Variants in ANKS1B observed in about 807,000 individuals in gnomAD.
ANKS1B encodes the protein ankyrin repeat and sterile alpha motif domain-containing protein 1B.
In ANKS1B, 36 loss-of-function variants were observed where a neutral mutation model predicts 148.3. The observed-to-expected ratio is 0.24, with a 90% CI of 0.19 to 0.32. The LOEUF (loss-of-function observed/expected upper bound fraction) is 0.32, where lower values mean the gene tolerates loss of function less well. ANKS1B is among the 10% of genes least tolerant of loss of function. ANKS1B has a pLI of 1.00. For synonymous variants in ANKS1B, 542 were observed against 560.8 expected (o/e 0.97, Z 0.47); for missense variants, 1,157 against 1,542.6 (o/e 0.75, Z 4.19).
chr12:99,662,131 T>A (rs1244181515), intron 8 of ANKS1B, among the ~76,000 whole-genome samples: 1 of 152,202 alleles, frequency 6.6e-6, no homozygotes, highest in Non-Finnish European at 1.5e-5. Context: ...TTATTTTAGA[T>A]GTTTTTGTTA....
intron 9 of ANKS1B, among the ~76,000 whole-genome samples, chr12:99,643,144 C>T (rs1259538984): frequency 6.6e-6 from 1 of 152,150 alleles, no homozygotes; most frequent in Non-Finnish European, 1.5e-5. Flanking sequence ...ACAGTACATC[C>T]TCTGGACACC....
chr12:99,929,714 G>A (rs1407221311), intron 1 of ANKS1B, among the ~76,000 whole-genome samples: 1 of 152,132 alleles, frequency 6.6e-6, no homozygotes, highest in African/African-American at 2.4e-5. Context: ...CCTTCTACAT[G>A]TGGCTAGCCA....
At chr12:98,976,904 G>A (rs1276116599) in intron 17 of ANKS1B, among the ~76,000 whole-genome samples, 4 of 152,182 alleles carry the variant, frequency 2.6e-5, no homozygotes, top group Non-Finnish European at 5.9e-5. Flanking sequence ...TTGCCTTGAA[G>A]TAATTAGCTA....
chr12:99,197,121 A>G (rs1332650961), intron 14 of ANKS1B, among the ~76,000 whole-genome samples: 1 of 152,142 alleles, frequency 6.6e-6, no homozygotes, highest in Non-Finnish European at 1.5e-5. Context: ...GTCCAATCTG[A>G]ACGGAGAGAT....
intron 1 of ANKS1B, among the ~76,000 whole-genome samples, chr12:99,871,755 A>G (rs2091543288): frequency 6.6e-6 from 1 of 152,158 alleles, no homozygotes; most frequent in East Asian, 1.9e-4. Flanking sequence ...ATCTTTCCAC[A>G]TTGATTTCAT....
At chr12:99,535,825 T>C (rs2097059515) in intron 9 of ANKS1B, among the ~76,000 whole-genome samples, 1 of 152,216 alleles carries the variant, frequency 6.6e-6, no homozygotes, top group Non-Finnish European at 1.5e-5. Flanking sequence ...AAATAAACTT[T>C]AGCACTTAAC....
At chr12:99,656,335 T>C (rs1337519295) in intron 8 of ANKS1B, among the ~76,000 whole-genome samples, 2 of 152,072 alleles carry the variant, frequency 1.3e-5, no homozygotes, top group African/African-American at 2.4e-5. Context: ...AGGAAAATGG[T>C]GGGATCTATG....
chr12:99,558,474 G>A (rs1220223514), intron 9 of ANKS1B, among the ~76,000 whole-genome samples: 1 of 152,180 alleles, frequency 6.6e-6, no homozygotes, highest in Non-Finnish European at 1.5e-5. Context: ...AGGGGAGGTA[G>A]TGGTCCATGC....
chr12:99,935,102 G>A (rs1002618255), intron 1 of ANKS1B, among the ~76,000 whole-genome samples: 7 of 151,926 alleles, frequency 4.6e-5, no homozygotes, highest in East Asian at 3.9e-4. Flanking sequence ...AAAGTTAAAC[G>A]TAAGAGATAT....
chr12:99,724,130 G>C (rs534191392), intron 8 of ANKS1B, among the ~76,000 whole-genome samples: 111 of 152,248 alleles, frequency 7.3e-4, no homozygotes, highest in Middle Eastern at 3.4e-3. Context: ...CTCCAGCAAG[G>C]GTGCAGAACT....
chr12:98,953,540 T>TG (rs1426915597), intron 17 of ANKS1B, among the ~76,000 whole-genome samples: 27 of 74,832 alleles, frequency 3.6e-4, no homozygotes, highest in African/African-American at 2.0e-3. Context: ...TAGAGTGGTT[T>TG]TTTTTTTTTT....
At chr12:98,878,023 G>A (rs958551077) in intron 17 of ANKS1B, among the ~76,000 whole-genome samples, 1 of 151,820 alleles carries the variant, frequency 6.6e-6, no homozygotes. Flanking sequence ...TTTCTTCTTC[G>A]AAATGGTTTG....
chr12:99,548,882 C>G (rs2097193856), intron 9 of ANKS1B, among the ~76,000 whole-genome samples: 1 of 152,036 alleles, frequency 6.6e-6, no homozygotes, highest in Admixed American at 6.6e-5. Context: ...CTGCTATATG[C>G]CAGGTGCATA....
chr12:99,578,699 C>A (rs1416746519), intron 9 of ANKS1B, among the ~76,000 whole-genome samples: 1 of 151,758 alleles, frequency 6.6e-6, no homozygotes, highest in Non-Finnish European at 1.5e-5. Flanking sequence ...AAATGAGAGA[C>A]AACATAAACA....
intron 12 of ANKS1B, among the ~76,000 whole-genome samples, chr12:99,330,606 T>C (rs1200124762): frequency 1.3e-5 from 2 of 152,042 alleles, no homozygotes; most frequent in African/African-American, 2.4e-5. Flanking sequence ...CAATTTTTAA[T>C]GGCTGCAGGT....
intron 9 of ANKS1B, among the ~76,000 whole-genome samples, chr12:99,558,876 C>A (rs1167650130): frequency 6.6e-6 from 1 of 152,292 alleles, no homozygotes; most frequent in Non-Finnish European, 1.5e-5. Context: ...CCATGCCAAA[C>A]CTTCTGCTCC....
intron 15 of ANKS1B, among the ~76,000 whole-genome samples, chr12:99,118,851 C>A (rs907494345): frequency 7.2e-5 from 11 of 152,072 alleles, no homozygotes; most frequent in African/African-American, 2.7e-4. Context: ...CAAGGGCTGG[C>A]AGGAGTAACG....
chr12:99,812,132 G>A (rs1028912979), intron 3 of ANKS1B, 23 bp downstream of exon 3: 24 of 1,594,932 alleles, frequency 1.5e-5, no homozygotes, highest in Non-Finnish European at 2.0e-5. Context: ...ATTACATCAT[G>A]AGCAAACATT....
chr12:99,405,549 A>C lies in ANKS1B; in HGVS notation c.1576-5738T>G. 1.4e-5 allele frequency among the ~76,000 whole-genome samples: 2 copies of C among 145,570 alleles called. 1 individual carries two copies. The highest frequency in any genetic ancestry group is 3.0e-5 in the Non-Finnish European group (2 of 65,872). On this transcript the variant is annotated intron_variant, in intron 11 of 26. Coordinates refer to ENST00000683438, the MANE Select transcript of ANKS1B (RefSeq NM_001352186.2). ...ATTAAAAATCCTACAATAGATACAT[A>C]AGAAATAAAACAAGAAATTAAAACA... is the stretch of plus-strand genomic sequence containing the variant.
Sources: allele counts gnomAD v4.1 joint callset (sites outside exome capture counted in the v4.1 genomes callset), GRCh38; gene constraint gnomAD v4.1.1; transcripts MANE v1.5; gene names NCBI Gene and HGNC (gene_info 2026-07-23, HGNC 2026-07-21).